SNTB2: variants seen among roughly 807,000 people sequenced by gnomAD.
SNTB2 encodes syntrophin beta 2.
Under a neutral mutation model 46.2 loss-of-function variants are expected in SNTB2, and 34 were observed. The ratio of observed to expected loss-of-function variants is 0.74; its 90% CI spans 0.56 to 0.98. The LOEUF (loss-of-function observed/expected upper bound fraction) is 0.98. SNTB2 is among the 50% of genes least tolerant of loss of function. The pLI is 0.00. For synonymous variants in SNTB2, 290 were observed against 312.6 expected (o/e 0.93, Z 0.76); for missense variants, 603 against 731.4 (o/e 0.82, Z 2.02).
chr16:69,204,944 G>T (rs914399557), intron 1 of SNTB2, among the ~76,000 whole-genome samples: 1 of 152,126 alleles, frequency 6.6e-6, no homozygotes, highest in Non-Finnish European at 1.5e-5. Context: ...TGTGTGCATT[G>T]CATATGACCA....
chr16:69,221,505 G>C (rs1343071747), intron 1 of SNTB2, among the ~76,000 whole-genome samples: 1 of 152,170 alleles, frequency 6.6e-6, no homozygotes, highest in Non-Finnish European at 1.5e-5. Context: ...ACAGGGCGTG[G>C]TGGCTTACAC....
At position 69,257,414 on chromosome 16, in the gene SNTB2, CTTATTTATTTAT is replaced by C. The variant is rs35232643; in HGVS notation, c.795-2601_795-2590del. Among the ~76,000 whole-genome samples the C allele has an allele frequency of 0.011, 1,592 of 142,366 alleles. 65 individuals are homozygous for C. The East Asian group carries it at 0.16, about 14-fold the overall frequency. 93.4% of individuals were successfully genotyped at this position (142,366 alleles called of 152,430 possible). ...TTAAGCCCTTTGGCTGTTCATGACT[CTTATTTATTTAT>C]TTATTTATTTATTTATTTATTTATT... On this transcript the variant is annotated intron_variant, in intron 2 of 6. Transcript: ENST00000336278.
chr16:69,197,549 A>G (rs1335706182), intron 1 of SNTB2, among the ~76,000 whole-genome samples: 1 of 152,332 alleles, frequency 6.6e-6, no homozygotes, highest in African/African-American at 2.4e-5. Context: ...TAATGTAAAA[A>G]TTAATTTTTC....
chr16:69,299,153 T>G (rs912883106), intron 5 of SNTB2, among the ~76,000 whole-genome samples: 1 of 151,886 alleles, frequency 6.6e-6, no homozygotes, highest in Non-Finnish European at 1.5e-5. Flanking sequence ...CTTCTTTTTT[T>G]TTTTTTTTTG....
At chr16:69,246,541 G>T (rs1451853970) in intron 2 of SNTB2, among the ~76,000 whole-genome samples, 3 of 146,076 alleles carry the variant, frequency 2.1e-5, no homozygotes, top group African/African-American at 5.2e-5. Context: ...TTGTGTCTCT[G>T]CCCGGCTTTG....
Position 69,300,992 on chromosome 16 carries a change from A to T in SNTB2, c.*68A>T. 1.0e-6 allele frequency: 1 copy of T among 955,272 alleles called. No individual in the cohort carries two copies. Among genetic ancestry groups the T allele is most frequent in the Non-Finnish European group, 1.6e-6 (1 of 609,202 alleles). 59.2% of individuals were successfully genotyped at this position (955,272 alleles called of 1,614,324 possible). A position where few individuals can be genotyped will look rare whatever the true frequency, so the allele number is the denominator to read the frequency against. ...ATTTCCACCTCAAAAAAAAAAAAGCACAAAAAGAAACTCTTTGCTCTCCTT... is the reference window on the plus strand; with the variant it reads ...ATTTCCACCTCAAAAAAAAAAAAGCTCAAAAAGAAACTCTTTGCTCTCCTT... On this transcript the variant is annotated 3_prime_UTR_variant, in exon 7 of 7. Transcript: ENST00000336278.
intron 1 of SNTB2, among the ~76,000 whole-genome samples, chr16:69,220,154 A>ATTTTTTTTTT (rs889068336): frequency 1.0e-5 from 1 of 97,554 alleles, no homozygotes; most frequent in African/African-American, 4.6e-5. Context: ...AGAAAGTCAG[A>ATTTTTTTTTT]TTTTTTTTTT....
intron 2 of SNTB2, among the ~76,000 whole-genome samples, chr16:69,251,209 A>AC (rs889390150): frequency 6.7e-6 from 1 of 150,348 alleles, no homozygotes; most frequent in African/African-American, 2.4e-5. Context: ...CGATCTGCTG[A>AC]CCTCGTGATC....
At chr16:69,282,050 C>T (rs1172598812) in intron 4 of SNTB2, among the ~76,000 whole-genome samples, 2 of 149,820 alleles carry the variant, frequency 1.3e-5, no homozygotes, top group East Asian at 2.1e-4. Context: ...AGATTACAGG[C>T]GCCCACCACC....
rs1382486005 is a variant in SNTB2, at chr16:69,270,202, G to T, written c.1065G>T (p.Lys355Asn). The change falls in exon 4 of 7, where the codon AAG becomes AAT. Residue 355 changes from lysine (K) to asparagine (N), a missense_variant. This residue lies in a region of SNTB2 where 537 missense variants were observed against 692.4 expected (regional missense o/e 0.78). Coordinates refer to ENST00000336278, the MANE Select transcript of SNTB2 (RefSeq NM_006750.4). Reference sequence around the variant, plus strand: ...CTGTCCTCATGGCTGTGACTGAGAAGGATTTGCTGCTCTATGACTGTATGC... The same window carrying T: ...CTGTCCTCATGGCTGTGACTGAGAATGATTTGCTGCTCTATGACTGTATGC... ...WRPVLMAVTE[K>N]DLLLYDCMPW... 1 of 1,614,102 alleles carries T rather than the reference G, an allele frequency of 6.2e-7. No individual in the cohort carries two copies. Among genetic ancestry groups the T allele is most frequent in the Non-Finnish European group, 8.5e-7 (1 of 1,180,028 alleles).
At chr16:69,204,160 G>T (rs1029422664) in intron 1 of SNTB2, among the ~76,000 whole-genome samples, 9 of 152,096 alleles carry the variant, frequency 5.9e-5, no homozygotes, top group Middle Eastern at 3.2e-3. Flanking sequence ...CCCAAATGCT[G>T]GGATTACAGG....
chr16:69,238,787 C>T (rs1161642023), intron 1 of SNTB2, among the ~76,000 whole-genome samples: 1 of 152,166 alleles, frequency 6.6e-6, no homozygotes, highest in Non-Finnish European at 1.5e-5. Flanking sequence ...ACCTCCACTA[C>T]TATTCCCCTG....
At chr16:69,263,914 A>ACT (rs1964860368) in intron 3 of SNTB2, among the ~76,000 whole-genome samples, 2 of 147,880 alleles carry the variant, frequency 1.4e-5, no homozygotes, top group South Asian at 4.3e-4. Context: ...CCAGAGTCTC[A>ACT]CTCTGTTGCA....
At chr16:69,293,862 C>T (rs964398877) in intron 5 of SNTB2, among the ~76,000 whole-genome samples, 16 of 152,232 alleles carry the variant, frequency 1.1e-4, no homozygotes, top group East Asian at 1.9e-4. Flanking sequence ...GAAGAAATAA[C>T]GGAGGGAGAT....
At chr16:69,234,230 G>A (rs1368324882) in intron 1 of SNTB2, among the ~76,000 whole-genome samples, 1 of 152,154 alleles carries the variant, frequency 6.6e-6, no homozygotes, top group African/African-American at 2.4e-5. Context: ...CTACTAGGGA[G>A]CCTAAGGTGG....
chr16:69,273,402 C>A (rs1340276377), intron 4 of SNTB2, among the ~76,000 whole-genome samples: 4 of 152,198 alleles, frequency 2.6e-5, no homozygotes, highest in Admixed American at 2.0e-4. Context: ...CAGTTAAAAA[C>A]AATAATGTTC....
At chr16:69,229,716 C>T (rs1267865607) in intron 1 of SNTB2, among the ~76,000 whole-genome samples, 1 of 151,218 alleles carries the variant, frequency 6.6e-6, no homozygotes, top group Admixed American at 6.6e-5. Context: ...GTGGCGCACG[C>T]CTGTAGTCTC....
intron 1 of SNTB2, among the ~76,000 whole-genome samples, chr16:69,232,091 T>A (rs1964511169): frequency 1.3e-5 from 2 of 152,130 alleles, no homozygotes; most frequent in Non-Finnish European, 2.9e-5. Context: ...GGCTAATACT[T>A]TTGTATAAAA....
At chr16:69,262,729 T>A (rs1203693536) in intron 3 of SNTB2, among the ~76,000 whole-genome samples, 1 of 152,034 alleles carries the variant, frequency 6.6e-6, no homozygotes, top group Non-Finnish European at 1.5e-5. Flanking sequence ...CAGGCTGGAG[T>A]GGAGTGGTGC....
Sources: gnomAD v4.1 joint callset for allele counts (sites outside exome capture counted in the v4.1 genomes callset) on GRCh38, gnomAD v4.1.1 for gene constraint, gnomAD v4.1.1 regional missense constraint, MANE v1.5 for transcripts, NCBI Gene and HGNC (gene_info 2026-07-23, HGNC 2026-07-21) for gene names.